BYSL: variants seen among roughly 807,000 people sequenced by gnomAD.
BYSL encodes bystin like.
Under a neutral mutation model 45.4 loss-of-function variants are expected in BYSL, and 21 were observed. The ratio of observed to expected loss-of-function variants is 0.46; its 90% CI spans 0.33 to 0.67. BYSL has a LOEUF of 0.67. BYSL is among the 30% of genes least tolerant of loss of function. The pLI is 0.02. For synonymous variants in BYSL, 215 were observed against 231.3 expected, an observed-to-expected ratio of 0.93 and a Z score of 0.64; for missense variants, 522 against 578.5, an observed-to-expected ratio of 0.90 and a Z score of 1.00.
intron 2 of BYSL, among the ~76,000 whole-genome samples, chr6:41,927,975 C>T (rs1417135386): frequency 1.3e-5 from 2 of 152,040 alleles, no homozygotes; most frequent in Non-Finnish European, 2.9e-5. Flanking sequence ...GGAGGCTGTC[C>T]TGTGCAGTGT....
intron 2 of BYSL, among the ~76,000 whole-genome samples, chr6:41,929,208 C>T (rs1266393022): frequency 6.6e-6 from 1 of 152,126 alleles, no homozygotes; most frequent in African/African-American, 2.4e-5. Context: ...AACTGAGAAG[C>T]AGCTTTAAAT....
chr6:41,915,559 G>A, the BYSL span, among the ~76,000 whole-genome samples: 2 of 152,038 alleles, frequency 1.3e-5, no homozygotes, highest in Non-Finnish European at 2.9e-5. Context: ...AGGCCGAGGC[G>A]GGTGGATCAC....
In BYSL at chr6:41,927,908, A is replaced by G. The variant is rs887326509; in HGVS notation, c.431+372A>G. 3.9e-5 allele frequency among the ~76,000 whole-genome samples: 6 copies of G among 152,178 alleles called. 1 individual carries two copies. The highest frequency in any genetic ancestry group is 7.2e-5 in the African/African-American group (3 of 41,434). On this transcript the variant is annotated intron_variant, in intron 2 of 6. Transcript: ENST00000230340. ...CATATCCTAAGCTTCATTTAAGCCA[A>G]GGTTTTTCAACCTCAGCATTATTGA... is the stretch of plus-strand genomic sequence containing the variant.
chr6:41,930,815 T>C (rs1332991909), intron 4 of BYSL, 47 bp downstream of exon 4: 1 of 1,584,470 alleles, frequency 6.3e-7, no homozygotes, highest in Non-Finnish European at 8.6e-7. Flanking sequence ...AGGTGCAGGC[T>C]GAGTTTGGGA....
intron 1 of BYSL, among the ~76,000 whole-genome samples, chr6:41,925,189 C>G (rs1049323410): frequency 6.6e-6 from 1 of 152,098 alleles, no homozygotes; most frequent in Admixed American, 6.5e-5. Flanking sequence ...ACCGTTGGAA[C>G]GTGGAGACAA....
intron 4 of BYSL, among the ~76,000 whole-genome samples, chr6:41,931,123 T>TGATAG (rs879640469): frequency 0.27 from 41,431 of 150,914 alleles, 6,019 homozygotes; most frequent in African/African-American, 0.35. Flanking sequence ...TCAGGGCTAC[T>TGATAG]CAACTGATGC....
the BYSL span, chr6:41,909,597 C>G: frequency 6.4e-7 from 1 of 1,568,822 alleles, no homozygotes. Context: ...AATGACTCCC[C>G]CCGGAATGAG....
upstream of BYSL, chr6:41,921,037 T>TG: frequency 6.2e-7 from 1 of 1,611,824 alleles, no homozygotes; most frequent in Non-Finnish European, 8.5e-7. Flanking sequence ...GCCAGGAAGG[T>TG]GGCAGAATCA....
At chr6:41,918,356 TAGCC>T (rs898021548), upstream of BYSL, among the ~76,000 whole-genome samples, 3 of 149,994 alleles carry the variant, frequency 2.0e-5, no homozygotes, top group African/African-American at 7.4e-5. Flanking sequence ...ATACAAAACT[TAGCC>T]AGGCATGGTG....
chr6:41,920,443 A>C (rs1418032946), upstream of BYSL, among the ~76,000 whole-genome samples: 1 of 152,148 alleles, frequency 6.6e-6, no homozygotes, highest in Non-Finnish European at 1.5e-5. Context: ...TCATAGTCCA[A>C]AGACCCTATT....
At chr6:41,921,090 C>T (rs1775454256), upstream of BYSL, 1 of 1,582,850 alleles carries the variant, frequency 6.3e-7, no homozygotes, top group Non-Finnish European at 8.6e-7. Context: ...ACAGAAACTC[C>T]TTCAGTTCCC....
At chr6:41,921,124 G>A (rs1449195800), upstream of BYSL, 1 of 1,460,956 alleles carries the variant, frequency 6.8e-7, no homozygotes, top group Non-Finnish European at 9.4e-7. Flanking sequence ...TGTCTCAGAA[G>A]GGACTCCGGA....
chr6:41,916,770 A>T (rs763930938), upstream of BYSL: 2 of 1,613,764 alleles, frequency 1.2e-6, no homozygotes, highest in Non-Finnish European at 1.7e-6. Flanking sequence ...CATCCTACAG[A>T]CCCATCTCAC....
rs750770439 is a variant in BYSL at position 41,932,445 on chromosome 6, A to T, written c.1053A>T (p.Ala351=). The change falls in exon 7 of 7, where the codon GCA becomes GCT. Residue 351 remains alanine (A), a synonymous_variant. Coordinates refer to ENST00000230340, the MANE Select transcript of BYSL (RefSeq NM_004053.4). This position sits in a 1 kb window ranked among gnomAD's most constrained non-coding sequence, Gnocchi z 4.7. ...GACTGCTGCTGGATAAGAAGTATGC[A>T]CTGCCTTACCGGGTGCTGGATGCCC... The part of the protein sequence containing the change: ...FLRLLLDKKY[A]LPYRVLDALV... The T allele has an allele frequency of 6.2e-7, 1 of 1,614,166 alleles. No homozygotes were observed. Among genetic ancestry groups the T allele is most frequent in the Non-Finnish European group, 8.5e-7 (1 of 1,180,032 alleles).
chr6:41,931,840 C>G lies in BYSL; in HGVS notation c.968+10C>G, dbSNP rs757315825. 1 of 1,608,968 alleles carries G rather than the reference C, an allele frequency of 6.2e-7. No individual in the cohort carries two copies. The highest frequency in any genetic ancestry group is 8.5e-7 in the Non-Finnish European group (1 of 1,175,462). ...CTGTGTTGCACTCCAGGTAGTATTG[C>G]TGGGGGTGGAAGGGGGCTGGTCAGT... On this transcript the variant is annotated intron_variant, in intron 6 of 6. Transcript: ENST00000230340.
At chr6:41,920,897 CGAGGACATCTCCCTCAGCTCCCA>C, upstream of BYSL, 1 of 1,438,046 alleles carries the variant, frequency 7.0e-7, no homozygotes, top group South Asian at 1.4e-5. Flanking sequence ...CTACACAACC[CGAGGACATCTCCCTCAGCTCCCA>C]GAGGACGGCG....
chr6:41,931,297 C>A, intron 4 of BYSL, 99 bp from the exon 5 acceptor site: 2 of 1,409,522 alleles, frequency 1.4e-6, no homozygotes, highest in South Asian at 1.3e-5. Flanking sequence ...CCATATTTTA[C>A]TTTAAAACCT....
At chr6:41,921,389 C>T, upstream of BYSL, 3 of 857,338 alleles carry the variant, frequency 3.5e-6, no homozygotes, top group African/African-American at 3.4e-5. Flanking sequence ...CTCCGGAACC[C>T]GGGAGCTCTT....
In BYSL at chr6:41,921,613, G is replaced by T; in HGVS notation, c.51G>T (p.Ala17=). The stretch of plus-strand genomic sequence containing the variant: ...GGGTGGGGGGTCAGGAAAAACATGC[G>T]CCCCTGGCCGATCAGATCCTGGCTG... ...ARGVGGQEKH[A]PLADQILAGN... is the part of the protein sequence containing the mutation. The change falls in exon 1 of 7, where the codon GCG becomes GCT. Residue 17 remains alanine (A), a synonymous_variant. Coordinates refer to ENST00000230340, the MANE Select transcript of BYSL (RefSeq NM_004053.4). The T allele has an allele frequency of 6.2e-7, 1 of 1,604,640 alleles. No individual in the cohort carries two copies.
Sources: allele counts gnomAD v4.1 joint callset (sites outside exome capture counted in the v4.1 genomes callset), GRCh38; gene constraint gnomAD v4.1.1; non-coding constraint Gnocchi (gnomAD v3.1); transcripts MANE v1.5; gene names NCBI Gene and HGNC (gene_info 2026-07-23, HGNC 2026-07-21).